CRB1: variants seen among roughly 807,000 people sequenced by gnomAD.
CRB1 encodes crumbs cell polarity complex component 1.
CRB1 carries 83 observed loss-of-function variants against 120.0 expected under a neutral mutation model. The observed-to-expected ratio is 0.69, with a 90% CI of 0.58 to 0.83. The LOEUF is 0.83. Among genes scored for constraint, CRB1 ranks in the 40% least tolerant of loss-of-function variants. CRB1 has a pLI of 0.00. For synonymous variants in CRB1, 625 were observed against 612.5 expected (o/e 1.02, Z -0.30); for missense variants, 1,699 against 1,687.6 (o/e 1.01, Z -0.12).
At chr1:197,263,794 C>T (rs555640042), upstream of CRB1, among the ~76,000 whole-genome samples, 124 of 152,056 alleles carry the variant, frequency 8.2e-4, no homozygotes, top group Admixed American at 6.5e-4. Flanking sequence ...AAAAAAACTT[C>T]AGATCTATCT....
Position 197,421,834 on chromosome 1 carries a change from G to A in CRB1, c.2006G>A (p.Gly669Asp), listed in dbSNP as rs759242791. ...GGCTCATCATTAAATGTCAAGGCAG[G>A]CTGTGTGAGAAAGGATTGGTGTGAA... ...SSGSSLNVKA[G>D]CVRKDWCESQ... The change falls in exon 6 of 12, where the codon GGC (glycine) becomes GAC (aspartate). Residue 669 changes from glycine (G) to aspartate (D), a missense_variant. Transcript: ENST00000367400. 1.2e-6 allele frequency: 2 copies of A among 1,614,072 alleles called. No homozygotes were observed. The highest frequency in any genetic ancestry group is 1.1e-5 in the South Asian group (1 of 91,092).
At chr1:197,440,200 T>C (rs985446006) in intron 10 of CRB1, 5 of 152,226 alleles carry the variant, frequency 3.3e-5, no homozygotes, top group African/African-American at 1.2e-4. Flanking sequence ...CGTCACACTT[T>C]CTGCCTAATG....
the CRB1 span, among the ~76,000 whole-genome samples, chr1:197,212,304 A>G: frequency 6.6e-6 from 1 of 152,186 alleles, no homozygotes; most frequent in African/African-American, 2.4e-5. Context: ...ATATCTATAT[A>G]GTCTTATATA....
chr1:197,324,591 C>G (rs979369566), intron 1 of CRB1, among the ~76,000 whole-genome samples: 3 of 152,110 alleles, frequency 2.0e-5, no homozygotes, highest in Admixed American at 1.3e-4. Context: ...TATAACAACT[C>G]TATGAGATAG....
chr1:197,367,571 G>C (rs984427976), intron 5 of CRB1, among the ~76,000 whole-genome samples: 1 of 152,092 alleles, frequency 6.6e-6, no homozygotes, highest in Admixed American at 6.5e-5. Flanking sequence ...AAGTGAAATT[G>C]GAAACAATTG....
the CRB1 span, chr1:197,222,240 C>T: frequency 3.9e-6 from 2 of 510,078 alleles, no homozygotes; most frequent in Non-Finnish European, 7.5e-6. Context: ...GTTTGCCGTG[C>T]TCCTGTCGTT....
chr1:197,250,936 T>C, the CRB1 span, among the ~76,000 whole-genome samples: 1 of 152,044 alleles, frequency 6.6e-6, no homozygotes, highest in African/African-American at 2.4e-5. Context: ...AATGAAATAA[T>C]TTCCATTTGT....
chr1:197,234,191 G>A, the CRB1 span, among the ~76,000 whole-genome samples: 1 of 152,166 alleles, frequency 6.6e-6, no homozygotes, highest in Non-Finnish European at 1.5e-5. Flanking sequence ...CTGGTTCCTG[G>A]TTCCCCTCGT....
At chr1:197,417,124 A>T (rs1346422651) in intron 5 of CRB1, among the ~76,000 whole-genome samples, 1 of 152,106 alleles carries the variant, frequency 6.6e-6, no homozygotes. Context: ...GTTGAACCTT[A>T]CTCATCAAAT....
At chr1:197,436,732 C>G (rs957326064) in intron 9 of CRB1, among the ~76,000 whole-genome samples, 2 of 152,086 alleles carry the variant, frequency 1.3e-5, no homozygotes, top group Admixed American at 6.6e-5. Context: ...TGGCTCACTA[C>G]AGATAAACTA....
chr1:197,231,579 T>G, the CRB1 span, among the ~76,000 whole-genome samples: 1 of 152,120 alleles, frequency 6.6e-6, no homozygotes, highest in Non-Finnish European at 1.5e-5. Flanking sequence ...AAATTTGTAG[T>G]ATGAAGAAAG....
chr1:197,422,063 C>A (rs1300363618), intron 6 of CRB1, 107 bp downstream of exon 6: 1 of 1,001,712 alleles, frequency 1.0e-6, no homozygotes, highest in African/African-American at 1.6e-5. Flanking sequence ...ATAATGACCC[C>A]ACAAGACTTC....
chr1:197,216,779 G>A, the CRB1 span, among the ~76,000 whole-genome samples: 1 of 152,136 alleles, frequency 6.6e-6, no homozygotes, highest in Non-Finnish European at 1.5e-5. Flanking sequence ...CTACATGAGT[G>A]TCAGCTGCCA....
In CRB1 at chr1:197,357,094, C is replaced by T. The variant is rs756737855; in HGVS notation, c.1171+81C>T. The T allele has an allele frequency of 3.5e-5, 48 of 1,389,994 alleles. 1 individual carries two copies. The highest frequency in any genetic ancestry group is 1.4e-4 in the Admixed American group (8 of 59,192). 86.1% of individuals were successfully genotyped at this position (1,389,994 alleles called of 1,614,324 possible). ...TGGCTTTAACCAAATGGTGTATTAGCAGGAAGAGCTGTACTGTGTAAACTC... is the reference window on the plus strand; with the variant it reads ...TGGCTTTAACCAAATGGTGTATTAGTAGGAAGAGCTGTACTGTGTAAACTC... On this transcript the variant is annotated intron_variant, in intron 5 of 11. Transcript: ENST00000367400.
chr1:197,288,827 C>T (rs1402919998), intron 1 of CRB1, among the ~76,000 whole-genome samples: 2 of 151,538 alleles, frequency 1.3e-5, no homozygotes, highest in African/African-American at 4.8e-5. Context: ...GCAAAGCAAA[C>T]GAAACACCCA....
rs555296440 is a variant in CRB1, at chr1:197,461,582, G to A, written c.4006-16082G>A. Among the ~76,000 whole-genome samples, 74 of 152,254 alleles carry A rather than the reference G, an allele frequency of 4.9e-4. 1 individual carries two copies. The highest frequency in any genetic ancestry group is 6.2e-4 in the Non-Finnish European group (42 of 68,012). On this transcript the variant is annotated intron_variant, in intron 11 of 11. Coordinates refer to ENST00000367400, the MANE Select transcript of CRB1 (RefSeq NM_201253.3). Reference sequence around the variant, plus strand: ...CTCTCATGGCACTGCAAGCTAGAGAGACGTATAACAAGAACCATCATCACT... The same window carrying A: ...CTCTCATGGCACTGCAAGCTAGAGAAACGTATAACAAGAACCATCATCACT...
intron 9 of CRB1, chr1:197,438,217 T>C: frequency 3.0e-6 from 1 of 331,024 alleles, no homozygotes; most frequent in South Asian, 2.6e-5. Context: ...TTTATTGATT[T>C]ATTAGCAAAG....
chr1:197,429,402 AT>A lies in CRB1; in HGVS notation c.2677-44del, dbSNP rs1664760906. 18 of 1,601,096 alleles carry A rather than the reference AT, an allele frequency of 1.1e-5. No homozygotes were observed. The East Asian group carries it at 3.8e-4, about 34-fold the overall frequency. On this transcript the variant is annotated intron_variant, in intron 7 of 11. Coordinates refer to ENST00000367400, the MANE Select transcript of CRB1 (RefSeq NM_201253.3). ...GTGGTTTCACCGTCAACATTTTTCT[AT>A]TTAGTTGCCAGTGCTTTTTATACCT...
At chr1:197,463,860 G>A (rs940785264) in intron 11 of CRB1, among the ~76,000 whole-genome samples, 12 of 152,074 alleles carry the variant, frequency 7.9e-5, no homozygotes, top group Non-Finnish European at 1.5e-4. Context: ...TTAACTACCT[G>A]GATCGAATGC....
Sources: gnomAD v4.1 joint callset for allele counts (sites outside exome capture counted in the v4.1 genomes callset) on GRCh38, gnomAD v4.1.1 for gene constraint, MANE v1.5 for transcripts, NCBI Gene and HGNC (gene_info 2026-07-23, HGNC 2026-07-21) for gene names.